Variants in KHDRBS2 observed in about 807,000 individuals in gnomAD.
KHDRBS2 encodes the protein KH domain-containing, RNA-binding, signal transduction-associated protein 2.
A neutral mutation model predicts 44.3 loss-of-function variants in KHDRBS2; 26 were observed. The ratio of observed to expected loss-of-function variants is 0.59; its 90% CI spans 0.43 to 0.81. KHDRBS2 has a LOEUF of 0.81. Ranked by LOEUF, KHDRBS2 falls within the 40% of genes least tolerant of loss-of-function variation. The probability of loss-of-function intolerance (pLI) is 0.00; values close to 1 mark genes in which losing one functional copy is unlikely to be tolerated. For missense variants in KHDRBS2, 476 were observed against 433.1 expected (o/e 1.10, Z -0.88); for synonymous variants, 194 against 151.1 (o/e 1.28, Z -2.08).
chr6:61,554,726 T>C, the KHDRBS2 span, among the ~76,000 whole-genome samples: 1 of 152,192 alleles, frequency 6.6e-6, no homozygotes, highest in Non-Finnish European at 1.5e-5. Flanking sequence ...CCGATAGCAT[T>C]TACTTGCCTG....
rs1826299673 is a variant in KHDRBS2 at position 62,198,962 on chromosome 6, T to C, written c.92-21650A>G. 2.6e-5 allele frequency among the ~76,000 whole-genome samples: 4 copies of C among 152,082 alleles called. No individual in the cohort carries two copies. In the South Asian group the frequency reaches 8.3e-4, roughly 31 times the overall value. ...ACAAATCAATAAAAGTAATCCAGCA[T>C]ATAAACAGAACCAAAGACAAAAACC... On this transcript the variant is annotated intron_variant, in intron 1 of 8. Coordinates refer to ENST00000281156, the MANE Select transcript of KHDRBS2 (RefSeq NM_152688.4).
chr6:61,560,927 C>A, the KHDRBS2 span, among the ~76,000 whole-genome samples: 1 of 152,188 alleles, frequency 6.6e-6, no homozygotes, highest in Admixed American at 6.5e-5. Context: ...TTAGTCTTTG[C>A]AATCTGAGCT....
At chr6:61,903,010 A>G (rs1315627353) in intron 4 of KHDRBS2, among the ~76,000 whole-genome samples, 2 of 152,342 alleles carry the variant, frequency 1.3e-5, no homozygotes, top group East Asian at 3.9e-4. Flanking sequence ...TTATAGTGAT[A>G]ATAGCCTCAA....
chr6:62,121,611 G>C (rs766839565), intron 2 of KHDRBS2, among the ~76,000 whole-genome samples: 1 of 152,168 alleles, frequency 6.6e-6, no homozygotes, highest in Non-Finnish European at 1.5e-5. Context: ...CCTTCAGCTG[G>C]CAAGGCCAGC....
At position 62,159,705 on chromosome 6, in the gene KHDRBS2, T is replaced by G. The variant is rs183181482; in HGVS notation, c.219+17480A>C. 3.1e-3 allele frequency among the ~76,000 whole-genome samples: 468 copies of G among 152,292 alleles called. 8 individuals carry two copies. Among genetic ancestry groups the G allele is most frequent in the Admixed American group, 0.028 (434 of 15,278 alleles). ...GACTTACTGATAACATAAAGTCAAT[T>G]AACACATATTTTGTATGTTATATGT... On this transcript the variant is annotated intron_variant, in intron 2 of 8. Transcript: ENST00000281156.
intron 6 of KHDRBS2, chr6:61,813,897 A>T: frequency 2.2e-6 from 1 of 455,836 alleles, no homozygotes; most frequent in Non-Finnish European, 4.4e-6. Flanking sequence ...CTTTGCCTCC[A>T]TTATTACTCC....
intron 2 of KHDRBS2, among the ~76,000 whole-genome samples, chr6:62,133,238 A>G (rs1810751355): frequency 6.6e-6 from 1 of 152,132 alleles, no homozygotes; most frequent in Non-Finnish European, 1.5e-5. Flanking sequence ...TAGCTCCTAT[A>G]ATTCCCACGT....
chr6:61,894,953 C>CTG (rs1214960043), intron 5 of KHDRBS2, 120 bp from the exon 6 acceptor site: 1 of 653,348 alleles, frequency 1.5e-6, no homozygotes, highest in Non-Finnish European at 2.7e-6. Context: ...TTCTCTCTCT[C>CTG]TCTCTGTGTG....
intron 6 of KHDRBS2, among the ~76,000 whole-genome samples, chr6:61,850,084 CT>C (rs1420510711): frequency 1.3e-5 from 2 of 152,238 alleles, no homozygotes; most frequent in Admixed American, 1.3e-4. Flanking sequence ...AACTCTAAGC[CT>C]TTACACTTGT....
chr6:62,135,177 T>C (rs1385078497), intron 2 of KHDRBS2, among the ~76,000 whole-genome samples: 1 of 152,142 alleles, frequency 6.6e-6, no homozygotes, highest in Non-Finnish European at 1.5e-5. Context: ...GGGAGATAAT[T>C]GAATCATGGG....
the KHDRBS2 span, among the ~76,000 whole-genome samples, chr6:61,567,653 A>G: frequency 6.6e-6 from 1 of 151,722 alleles, no homozygotes; most frequent in African/African-American, 2.4e-5. Context: ...AACAAAACAA[A>G]CAAACAAAAA....
At chr6:62,069,535 T>C (rs750394907) in intron 2 of KHDRBS2, among the ~76,000 whole-genome samples, 1 of 151,722 alleles carries the variant, frequency 6.6e-6, no homozygotes, top group Non-Finnish European at 1.5e-5. Flanking sequence ...ATAGGTCTCA[T>C]GGTGTTATTC....
At chr6:62,209,988 G>A (rs1320218652) in intron 1 of KHDRBS2, among the ~76,000 whole-genome samples, 1 of 152,018 alleles carries the variant, frequency 6.6e-6, no homozygotes, top group Non-Finnish European at 1.5e-5. Flanking sequence ...CTTGTGGATG[G>A]CCTATTGAGG....
chr6:62,027,891 T>C (rs550014624), intron 3 of KHDRBS2, among the ~76,000 whole-genome samples: 3 of 152,230 alleles, frequency 2.0e-5, no homozygotes, highest in African/African-American at 7.2e-5. Flanking sequence ...AATAATCTAG[T>C]TAAGTAAATT....
chr6:61,548,307 A>T, the KHDRBS2 span, among the ~76,000 whole-genome samples: 815 of 152,234 alleles, frequency 5.4e-3, 3 homozygotes, highest in African/African-American at 0.018. Flanking sequence ...TATAGCAACA[A>T]TTTTCCAATA....
intron 3 of KHDRBS2, among the ~76,000 whole-genome samples, chr6:62,020,551 C>G (rs1256117628): frequency 5.3e-5 from 8 of 150,364 alleles, no homozygotes; most frequent in Non-Finnish European, 1.0e-4. Flanking sequence ...CATTTCTCAG[C>G]TATAACTGTG....
chr6:61,814,015 G>T (rs1265154664), intron 6 of KHDRBS2: 1 of 455,900 alleles, frequency 2.2e-6, no homozygotes, highest in East Asian at 7.0e-5. Context: ...AAGTCTGGTT[G>T]AACTCCAATT....
chr6:61,638,796 A>G, the KHDRBS2 span, among the ~76,000 whole-genome samples: 1 of 152,138 alleles, frequency 6.6e-6, no homozygotes, highest in Admixed American at 6.6e-5. Context: ...TATTTTTATA[A>G]TAGATGAAAA....
At chr6:61,574,395 G>A in the KHDRBS2 span, 55 of 1,523,818 alleles carry the variant, frequency 3.6e-5, no homozygotes, top group East Asian at 8.6e-4. Context: ...GTGAAGAGGC[G>A]GACATAATAC....
Sources: gnomAD v4.1 joint callset for allele counts (sites outside exome capture counted in the v4.1 genomes callset) on GRCh38, gnomAD v4.1.1 for gene constraint, MANE v1.5 for transcripts, NCBI Gene and HGNC (gene_info 2026-07-23, HGNC 2026-07-21) for gene names.